The following SMYD3 variants were observed in gnomAD, a reference collection of about 807,000 sequenced individuals.
SMYD3 encodes SET and MYND domain containing 3.
In SMYD3, 36 loss-of-function variants were observed where a neutral mutation model predicts 57.7. That is an observed-to-expected ratio of 0.62 (90% CI 0.48 to 0.82). The LOEUF (loss-of-function observed/expected upper bound fraction) is 0.82. Ranked by LOEUF, SMYD3 falls within the 40% of genes least tolerant of loss-of-function variation. The pLI, the probability that SMYD3 is intolerant of heterozygous loss-of-function variation, is 0.00. For missense variants in SMYD3, 515 were observed against 538.8 expected, an observed-to-expected ratio of 0.96 and a Z score of 0.44; for synonymous variants, 211 against 195.0, an observed-to-expected ratio of 1.08 and a Z score of -0.68.
chr1:246,399,178 C>G (rs766295012), intron 1 of SMYD3, among the ~76,000 whole-genome samples: 4 of 150,318 alleles, frequency 2.7e-5, no homozygotes, highest in Admixed American at 6.6e-5. Context: ...TGTGCCACCA[C>G]GCCCAGCTAG....
chr1:245,776,571 G>A (rs1336915511), intron 10 of SMYD3, among the ~76,000 whole-genome samples: 1 of 152,200 alleles, frequency 6.6e-6, no homozygotes, highest in Non-Finnish European at 1.5e-5. Context: ...ATAGATTTCA[G>A]TAGTGTTACT....
At chr1:246,188,070 C>A (rs2062672705) in intron 5 of SMYD3, among the ~76,000 whole-genome samples, 1 of 151,998 alleles carries the variant, frequency 6.6e-6, no homozygotes, top group African/African-American at 2.4e-5. Flanking sequence ...TATTAATTTA[C>A]AATAAAAAAA....
chr1:246,396,085 GT>G (rs938761465), intron 1 of SMYD3, among the ~76,000 whole-genome samples: 9 of 151,740 alleles, frequency 5.9e-5, no homozygotes, highest in Admixed American at 5.3e-4. Context: ...GAGAGTGAGG[GT>G]CACTATATCT....
intron 5 of SMYD3, among the ~76,000 whole-genome samples, chr1:246,040,125 A>G (rs1451730146): frequency 6.6e-6 from 1 of 152,218 alleles, no homozygotes; most frequent in Admixed American, 6.5e-5. Context: ...AATAGCATTC[A>G]CTTTTCAAAT....
rs529422982 is a variant in SMYD3 at position 246,278,850 on chromosome 1, G to C, written c.531+48351C>G. ...AATAAAAAATATAAACAGAGGAGAAGATACCTAAATGGTTAAAAAGAAAAA... is the reference window on the plus strand; with the variant it reads ...AATAAAAAATATAAACAGAGGAGAACATACCTAAATGGTTAAAAAGAAAAA... On this transcript the variant is annotated intron_variant, in intron 5 of 11. Coordinates refer to ENST00000490107, the MANE Select transcript of SMYD3 (RefSeq NM_001167740.2). 3.9e-5 allele frequency among the ~76,000 whole-genome samples: 6 copies of C among 152,246 alleles called. No individual in the cohort carries two copies. The South Asian group carries it at 1.2e-3, about 32-fold the overall frequency.
At chr1:246,229,858 C>G (rs1489061619) in intron 5 of SMYD3, among the ~76,000 whole-genome samples, 2 of 150,530 alleles carry the variant, frequency 1.3e-5, no homozygotes, top group Admixed American at 6.6e-5. Context: ...ATAGCACGTG[C>G]CTTTCAAGCG....
intron 10 of SMYD3, among the ~76,000 whole-genome samples, chr1:245,783,192 G>A (rs1022152760): frequency 1.3e-5 from 2 of 152,078 alleles, no homozygotes; most frequent in African/African-American, 4.8e-5. Context: ...GATAAGAGAA[G>A]GCTGAGATAT....
At chr1:246,433,021 A>C (rs895469413) in intron 1 of SMYD3, among the ~76,000 whole-genome samples, 1 of 152,222 alleles carries the variant, frequency 6.6e-6, no homozygotes, top group Admixed American at 6.5e-5. Context: ...CAGGAAAAGA[A>C]GTCAAACTCT....
intron 1 of SMYD3, among the ~76,000 whole-genome samples, chr1:246,447,856 A>C (rs936416577): frequency 1.3e-4 from 20 of 152,146 alleles, no homozygotes; most frequent in African/African-American, 4.8e-4. Flanking sequence ...ACTTTTTTCA[A>C]ATAGAAGAGG....
rs762602003 is a variant in SMYD3, at chr1:245,858,593, G to A, written c.979C>T (p.Gln327Ter). ...ATGGCGCAGTCGAGCACCTTCAGCT[G>A]GTAGATGTTGATATCGGGAAGCCGT... ...SERLPDINIYQLKVLDCAMDA... is the reference protein window; with the variant it reads ...SERLPDINIY The change falls in exon 10 of 12, where the codon CAG becomes TAG. Residue 327 changes from glutamine (Q) to a stop codon, truncating the protein, a stop_gained. Transcript: ENST00000490107. LOFTEE classifies it high-confidence loss of function. 5.6e-6 allele frequency: 9 copies of A among 1,614,088 alleles called. No homozygotes were observed. Among genetic ancestry groups the A allele is most frequent in the African/African-American group, 2.7e-5 (2 of 74,948 alleles).
intron 5 of SMYD3, among the ~76,000 whole-genome samples, chr1:246,280,119 G>C (rs567661964): frequency 6.6e-6 from 1 of 152,314 alleles, no homozygotes; most frequent in African/African-American, 2.4e-5. Flanking sequence ...ATAGTAGCAT[G>C]AGGTGATTTT....
At chr1:245,848,423 TTTG>T (rs894163395) in intron 10 of SMYD3, among the ~76,000 whole-genome samples, 4 of 151,466 alleles carry the variant, frequency 2.6e-5, no homozygotes, top group East Asian at 2.0e-4. Context: ...GACTGGATTT[TTTG>T]TTGTTGTTAA....
chr1:246,007,654 GA>G (rs35495113), intron 5 of SMYD3, among the ~76,000 whole-genome samples: 71,799 of 146,654 alleles, frequency 0.49, 19,570 homozygotes, highest in Non-Finnish European at 0.63. Context: ...ACCAAAAATA[GA>G]AAAAAAAAAA....
chr1:246,047,979 TA>T (rs753475973), intron 5 of SMYD3, among the ~76,000 whole-genome samples: 16 of 152,168 alleles, frequency 1.1e-4, no homozygotes, highest in Non-Finnish European at 2.4e-4. Flanking sequence ...AATTTGTTAG[TA>T]ACTGAAGTCA....
intron 1 of SMYD3, among the ~76,000 whole-genome samples, chr1:246,492,900 G>GT (rs2068293171): frequency 1.3e-5 from 2 of 152,152 alleles, no homozygotes; most frequent in Admixed American, 6.5e-5. Flanking sequence ...CACAAGGCAG[G>GT]TACATGGTAA....
chr1:245,987,812 T>C (rs1028873409), intron 5 of SMYD3, among the ~76,000 whole-genome samples: 1 of 152,134 alleles, frequency 6.6e-6, no homozygotes, highest in Non-Finnish European at 1.5e-5. Context: ...ATCTGAGGGT[T>C]TGTAACATGG....
chr1:246,015,515 C>T (rs1355478869), intron 5 of SMYD3, among the ~76,000 whole-genome samples: 3 of 152,104 alleles, frequency 2.0e-5, no homozygotes, highest in African/African-American at 7.2e-5. Context: ...TATATTGTTG[C>T]ACAACCATCA....
intron 5 of SMYD3, among the ~76,000 whole-genome samples, chr1:246,091,129 TGC>T (rs1364560774): frequency 2.0e-5 from 3 of 152,172 alleles, no homozygotes; most frequent in African/African-American, 7.2e-5. Flanking sequence ...AAGACTGGGA[TGC>T]CAGGCGTACT....
chr1:245,893,999 A>G (rs557429208), intron 8 of SMYD3, among the ~76,000 whole-genome samples: 2 of 152,266 alleles, frequency 1.3e-5, no homozygotes, highest in African/African-American at 2.4e-5. Context: ...TAACTTTGAT[A>G]TGGTTGTAGA....
Sources: gnomAD v4.1 joint callset for allele counts (sites outside exome capture counted in the v4.1 genomes callset) on GRCh38, gnomAD v4.1.1 for gene constraint, MANE v1.5 for transcripts, NCBI Gene and HGNC (gene_info 2026-07-23, HGNC 2026-07-21) for gene names.